The following PDE4B variants were observed in gnomAD, a reference collection of about 807,000 sequenced individuals.
The protein encoded by PDE4B is phosphodiesterase 4B.
Under a neutral mutation model 82.2 loss-of-function variants are expected in PDE4B, and 20 were observed. The ratio of observed to expected loss-of-function variants is 0.24; its 90% CI spans 0.17 to 0.35. The LOEUF is 0.35. PDE4B is among the 10% of genes least tolerant of loss of function. The probability of loss-of-function intolerance (pLI) is 1.00; values close to 1 mark genes in which losing one functional copy is unlikely to be tolerated. For missense variants in PDE4B, 655 were observed against 907.2 expected, an observed-to-expected ratio of 0.72 and a Z score of 3.57; for synonymous variants, 320 against 318.9, an observed-to-expected ratio of 1.00 and a Z score of -0.04.
intron 3 of PDE4B, among the ~76,000 whole-genome samples, chr1:66,011,584 G>T (rs1383810594): frequency 6.6e-6 from 1 of 152,050 alleles, no homozygotes; most frequent in Admixed American, 6.6e-5. Context: ...AATTATATTA[G>T]ACTCATCTCT....
intron 1 of PDE4B, among the ~76,000 whole-genome samples, chr1:65,798,550 G>A (rs1209619325): frequency 2.7e-5 from 1 of 36,598 alleles, no homozygotes; most frequent in Non-Finnish European, 4.2e-5. Context: ...GAGCCACCGC[G>A]CCCGGCCGTG....
chr1:66,202,331 G>T (rs1649053759), intron 3 of PDE4B, among the ~76,000 whole-genome samples: 1 of 152,116 alleles, frequency 6.6e-6, no homozygotes, highest in South Asian at 2.1e-4. Flanking sequence ...CTGTTGATTT[G>T]GGGTGGAGAG....
intron 1 of PDE4B, among the ~76,000 whole-genome samples, chr1:65,795,619 C>T (rs902322967): frequency 6.6e-6 from 1 of 152,224 alleles, no homozygotes; most frequent in African/African-American, 2.4e-5. Context: ...AGGTCACACC[C>T]CTTTCCAGCG....
chr1:66,132,412 T>C lies in PDE4B; in HGVS notation c.282-115048T>C, dbSNP rs1415479. 1.8e-3 allele frequency among the ~76,000 whole-genome samples: 277 copies of C among 152,336 alleles called. 1 individual carries two copies. The highest frequency in any genetic ancestry group is 2.7e-3 in the Non-Finnish European group (183 of 68,028). On this transcript the variant is annotated intron_variant, in intron 3 of 16. Coordinates refer to ENST00000341517, the MANE Select transcript of PDE4B (RefSeq NM_002600.4). ...TAATAAAACTTAGTTTGCAGGGCTA[T>C]TTTTAGGATTGGCGACTCATGTTCA...
intron 3 of PDE4B, among the ~76,000 whole-genome samples, chr1:66,175,428 G>A (rs989907484): frequency 1.3e-5 from 2 of 152,120 alleles, no homozygotes; most frequent in Non-Finnish European, 2.9e-5. Flanking sequence ...GAGAAAAATT[G>A]TGCCTGAGAC....
chr1:66,347,026 A>C (rs1195008429), intron 8 of PDE4B, among the ~76,000 whole-genome samples: 1 of 152,148 alleles, frequency 6.6e-6, no homozygotes, highest in Non-Finnish European at 1.5e-5. Flanking sequence ...CTCCTATGTC[A>C]TATTTTATTT....
chr1:65,954,769 G>T (rs1051303760), intron 3 of PDE4B, among the ~76,000 whole-genome samples: 1 of 151,962 alleles, frequency 6.6e-6, no homozygotes, highest in South Asian at 2.1e-4. Flanking sequence ...CAGTCTGCAG[G>T]TTCTCATTTG....
At chr1:65,970,898 C>A (rs1057076831) in intron 3 of PDE4B, among the ~76,000 whole-genome samples, 5 of 151,694 alleles carry the variant, frequency 3.3e-5, no homozygotes, top group African/African-American at 1.2e-4. Context: ...GGAAATGAGG[C>A]CAAAGGAAAA....
In PDE4B at chr1:66,374,272, T is replaced by G. The variant is rs1013375082; in HGVS notation, c.*1594T>G. On this transcript the variant is annotated 3_prime_UTR_variant, in exon 17 of 17. Coordinates refer to ENST00000341517, the MANE Select transcript of PDE4B (RefSeq NM_002600.4). Reference sequence around the variant, plus strand: ...TTTTATAATAAAATGTGAACTGATGTAGCAAATTACGCAAATGTGAAGCCT... The same window carrying G: ...TTTTATAATAAAATGTGAACTGATGGAGCAAATTACGCAAATGTGAAGCCT... 4 of 152,710 alleles carry G rather than the reference T, an allele frequency of 2.6e-5. No individual in the cohort carries two copies. The highest frequency in any genetic ancestry group is 9.6e-5 in the African/African-American group (4 of 41,478). 9.5% of individuals were successfully genotyped at this position (152,710 alleles called of 1,614,324 possible).
intron 3 of PDE4B, among the ~76,000 whole-genome samples, chr1:65,946,529 C>T (rs151023587): frequency 3.6e-4 from 54 of 152,060 alleles, no homozygotes; most frequent in African/African-American, 1.2e-3. Context: ...CAGTTCTGGT[C>T]ACGTGGTCAC....
intron 4 of PDE4B, among the ~76,000 whole-genome samples, 168 bp downstream of exon 4, chr1:66,247,822 A>G (rs1653441291): frequency 6.6e-6 from 1 of 152,220 alleles, no homozygotes; most frequent in Admixed American, 6.5e-5. Context: ...AATGCTCTAT[A>G]GCATGCGGAA....
chr1:66,329,601 G>T (rs886727031), intron 7 of PDE4B, among the ~76,000 whole-genome samples: 3 of 152,086 alleles, frequency 2.0e-5, no homozygotes, highest in Non-Finnish European at 4.4e-5. Flanking sequence ...ACCCTTCAAT[G>T]CCAGGCCTTA....
At chr1:66,021,857 T>C (rs1259920817) in intron 3 of PDE4B, among the ~76,000 whole-genome samples, 1 of 152,194 alleles carries the variant, frequency 6.6e-6, no homozygotes, top group African/African-American at 2.4e-5. Flanking sequence ...AGAAAGTCAT[T>C]GGTAGCTTGA....
chr1:66,107,888 A>G (rs1645401684), intron 3 of PDE4B, among the ~76,000 whole-genome samples: 1 of 151,994 alleles, frequency 6.6e-6, no homozygotes, highest in Non-Finnish European at 1.5e-5. Flanking sequence ...CAACAGCAAC[A>G]ACAAATCTCA....
chr1:66,152,569 A>T (rs1315225334), intron 3 of PDE4B: 2 of 265,740 alleles, frequency 7.5e-6, no homozygotes, highest in Non-Finnish European at 1.7e-5. Context: ...TATATATATG[A>T]TTAAGTGTGT....
intron 3 of PDE4B, among the ~76,000 whole-genome samples, chr1:66,104,983 C>T (rs1203269383): frequency 6.6e-6 from 1 of 151,552 alleles, no homozygotes; most frequent in Non-Finnish European, 1.5e-5. Context: ...GTTGCCATTG[C>T]TTTTGGTGTT....
chr1:65,925,413 G>A (rs545847633), intron 3 of PDE4B, among the ~76,000 whole-genome samples: 15 of 152,032 alleles, frequency 9.9e-5, no homozygotes. Context: ...TATCATAAGA[G>A]GGCATGTTGA....
intron 7 of PDE4B, among the ~76,000 whole-genome samples, chr1:66,270,562 G>A (rs1003683215): frequency 3.9e-5 from 6 of 152,208 alleles, no homozygotes; most frequent in African/African-American, 1.4e-4. Flanking sequence ...CATGGGTAAA[G>A]GGCTCTCTGA....
At chr1:66,134,342 G>A (rs1338204639) in intron 3 of PDE4B, among the ~76,000 whole-genome samples, 1 of 152,312 alleles carries the variant, frequency 6.6e-6, no homozygotes, top group South Asian at 2.1e-4. Flanking sequence ...GTGGTACCTA[G>A]AAGAGCAGAA....
Sources: gnomAD v4.1 joint callset for allele counts (sites outside exome capture counted in the v4.1 genomes callset) on GRCh38, gnomAD v4.1.1 for gene constraint, MANE v1.5 for transcripts, NCBI Gene and HGNC (gene_info 2026-07-23, HGNC 2026-07-21) for gene names.